ABCA13: variants seen among roughly 807,000 people sequenced by gnomAD.
ABCA13 encodes ATP-binding cassette sub-family A member 13.
Under a neutral mutation model 478.7 loss-of-function variants are expected in ABCA13, and 476 were observed. The ratio of observed to expected loss-of-function variants is 0.99; its 90% CI spans 0.92 to 1.07. The LOEUF (loss-of-function observed/expected upper bound fraction) is 1.07, where lower values mean the gene tolerates loss of function less well. Among genes scored for constraint, ABCA13 ranks in the 50% least tolerant of loss-of-function variants. The pLI, the probability that ABCA13 is intolerant of heterozygous loss-of-function variation, is 0.00. For missense variants in ABCA13, 6,060 were observed against 5,910.6 expected, an observed-to-expected ratio of 1.03 and a Z score of -0.83; for synonymous variants, 2,252 against 2,158.9, an observed-to-expected ratio of 1.04 and a Z score of -1.20.
In ABCA13 at chr7:48,504,715, C is replaced by G. The variant is rs551110491; in HGVS notation, c.13292-1621C>G. ...CACACAACATTGCAAATATACTCCA[C>G]AGCACCAGTGGTCCACGGGCCATAC... On this transcript the variant is annotated intron_variant, in intron 48 of 61. Coordinates refer to ENST00000435803, the MANE Select transcript of ABCA13 (RefSeq NM_152701.5). 3.3e-5 allele frequency among the ~76,000 whole-genome samples: 5 copies of G among 152,274 alleles called. No homozygotes were observed. In the South Asian group the frequency reaches 1.0e-3, roughly 32 times the overall value.
At chr7:48,539,004 C>G (rs993116488) in intron 55 of ABCA13, among the ~76,000 whole-genome samples, 5 of 152,168 alleles carry the variant, frequency 3.3e-5, no homozygotes, top group Non-Finnish European at 7.3e-5. Flanking sequence ...GCAATTGCAG[C>G]TGGATTCAGA....
intron 50 of ABCA13, among the ~76,000 whole-genome samples, chr7:48,508,419 C>G (rs1284381827): frequency 6.6e-6 from 1 of 152,082 alleles, no homozygotes; most frequent in Admixed American, 6.5e-5. Flanking sequence ...AACACCCCCT[C>G]CTGTGAGACC....
intron 31 of ABCA13, among the ~76,000 whole-genome samples, chr7:48,361,369 C>T (rs957320751): frequency 2.0e-5 from 3 of 151,686 alleles, no homozygotes; most frequent in African/African-American, 7.3e-5. Context: ...CTTCATTCCT[C>T]TCTCGGTGTG....
rs1812736484 is a variant in ABCA13 at position 48,372,166 on chromosome 7, A to G, written c.10804-2A>G. ...ACCTTGGGTTTTTTCTCTTTTTGGT[A>G]GTATATGCGGATGATGGGAGTGCAT... On this transcript the variant is annotated splice_acceptor_variant, in intron 32 of 61. Coordinates refer to ENST00000435803, the MANE Select transcript of ABCA13 (RefSeq NM_152701.5). LOFTEE classifies it high-confidence loss of function. 2 of 1,607,250 alleles carry G rather than the reference A, an allele frequency of 1.2e-6. No individual in the cohort carries two copies. Among genetic ancestry groups the G allele is most frequent in the Non-Finnish European group, 1.7e-6 (2 of 1,175,586 alleles).
Position 48,387,972 on chromosome 7 carries a change from T to C in ABCA13, c.11473+13T>C. ...TTTGACAATAAAGGTTTGTAAGGAG[T>C]AGAATTATTAGATGCATGTATTTTT... On this transcript the variant is annotated intron_variant, in intron 36 of 61. Coordinates refer to ENST00000435803, the MANE Select transcript of ABCA13 (RefSeq NM_152701.5). 6.3e-7 allele frequency: 1 copy of C among 1,590,712 alleles called. No homozygotes were observed. The highest frequency in any genetic ancestry group is 8.5e-7 in the Non-Finnish European group (1 of 1,172,834).
At chr7:48,339,426 G>A (rs1806769353) in intron 29 of ABCA13, among the ~76,000 whole-genome samples, 1 of 152,194 alleles carries the variant, frequency 6.6e-6, no homozygotes, top group African/African-American at 2.4e-5. Flanking sequence ...ATCTTCTGTT[G>A]CTGGAACCAA....
At chr7:48,407,773 C>G (rs1026776735) in intron 39 of ABCA13, among the ~76,000 whole-genome samples, 5 of 151,934 alleles carry the variant, frequency 3.3e-5, no homozygotes, top group Non-Finnish European at 7.4e-5. Flanking sequence ...GGCCAGGCTA[C>G]TCTCTAACTC....
At chr7:48,425,757 T>TTTATTTA (rs1215137536) in intron 41 of ABCA13, among the ~76,000 whole-genome samples, 16,732 of 112,598 alleles carry the variant, frequency 0.15, 1,182 homozygotes, top group East Asian at 0.3. Context: ...TTATTTATTT[T>TTTATTTA]TTCGAGATGG....
At chr7:48,508,627 G>A (rs566093527) in intron 50 of ABCA13, among the ~76,000 whole-genome samples, 6 of 152,084 alleles carry the variant, frequency 3.9e-5, no homozygotes, top group African/African-American at 1.2e-4. Context: ...TGTTCTTAGT[G>A]GTCAATATCT....
chr7:48,251,941 G>T (rs1244134804), intron 15 of ABCA13, among the ~76,000 whole-genome samples: 7 of 152,030 alleles, frequency 4.6e-5, no homozygotes, highest in African/African-American at 1.7e-4. Flanking sequence ...TTCTTTTGCT[G>T]CTTTTAAGAT....
chr7:48,434,343 A>G (rs181908001), intron 42 of ABCA13, among the ~76,000 whole-genome samples: 27 of 151,988 alleles, frequency 1.8e-4, no homozygotes, highest in African/African-American at 4.1e-4. Flanking sequence ...GCCTTTGCCC[A>G]TTTTTGAATG....
At chr7:48,586,951 T>C (rs1789244981) in intron 56 of ABCA13, among the ~76,000 whole-genome samples, 1 of 152,152 alleles carries the variant, frequency 6.6e-6, no homozygotes, top group African/African-American at 2.4e-5. Flanking sequence ...CTTAGATGTC[T>C]CCAGCTGCAG....
At chr7:48,317,382 T>C in intron 27 of ABCA13, 86 bp downstream of exon 27, 2 of 1,424,052 alleles carry the variant, frequency 1.4e-6, no homozygotes, top group Non-Finnish European at 1.9e-6. Context: ...ATAATTATTA[T>C]GCGCCTTGGA....
chr7:48,638,793 G>T (rs374973120), intron 59 of ABCA13, among the ~76,000 whole-genome samples: 8 of 152,128 alleles, frequency 5.3e-5, no homozygotes, highest in Non-Finnish European at 1.2e-4. Context: ...AGAGGAATTG[G>T]TATCCATTCT....
At chr7:48,477,232 A>G (rs1377778976) in intron 45 of ABCA13, among the ~76,000 whole-genome samples, 1 of 152,192 alleles carries the variant, frequency 6.6e-6, no homozygotes, top group Non-Finnish European at 1.5e-5. Flanking sequence ...TTAAAAAGTC[A>G]GGAAACAACA....
chr7:48,281,572 A>T, intron 19 of ABCA13, 120 bp downstream of exon 19: 2 of 897,100 alleles, frequency 2.2e-6, no homozygotes, highest in Non-Finnish European at 3.3e-6. Context: ...CAGCTGTCTT[A>T]GTCTGGCAAC....
chr7:48,374,860 CTG>C (rs150488144), intron 34 of ABCA13, among the ~76,000 whole-genome samples: 2,956 of 152,318 alleles, frequency 0.019, 49 homozygotes, highest in Non-Finnish European at 0.029. Context: ...GAAGCTTTGT[CTG>C]TATTTACAGC....
chr7:48,335,420 A>C lies in ABCA13; in HGVS notation c.10000-2A>C, dbSNP rs774315383. ...CATATCCAAATATGCTTCATTTTGC[A>C]GGCTAATTACACCTTTTATATTGTG... On this transcript the variant is annotated splice_acceptor_variant, in intron 27 of 61. Coordinates refer to ENST00000435803, the MANE Select transcript of ABCA13 (RefSeq NM_152701.5). LOFTEE classifies it high-confidence loss of function. 5 of 1,586,572 alleles carry C rather than the reference A, an allele frequency of 3.2e-6. No individual in the cohort carries two copies. The highest frequency in any genetic ancestry group is 4.3e-6 in the Non-Finnish European group (5 of 1,160,506).
chr7:48,460,344 A>T (rs1252315173), intron 43 of ABCA13, among the ~76,000 whole-genome samples: 2 of 152,222 alleles, frequency 1.3e-5, no homozygotes, highest in Non-Finnish European at 2.9e-5. Context: ...CAGCAGGACC[A>T]TGTCCTCTCT....
Sources: gnomAD v4.1 joint callset for allele counts (sites outside exome capture counted in the v4.1 genomes callset) on GRCh38, gnomAD v4.1.1 for gene constraint, MANE v1.5 for transcripts, NCBI Gene and HGNC (gene_info 2026-07-23, HGNC 2026-07-21) for gene names.